KCND2: variants seen among roughly 807,000 people sequenced by gnomAD.
KCND2 encodes A-type voltage-gated potassium channel KCND2.
KCND2 carries 16 observed loss-of-function variants against 54.4 expected under a neutral mutation model. The ratio of observed to expected loss-of-function variants is 0.29; its 90% CI spans 0.20 to 0.45. The LOEUF (loss-of-function observed/expected upper bound fraction) is 0.45, where lower values mean the gene tolerates loss of function less well. Among genes scored for constraint, KCND2 ranks in the 20% least tolerant of loss-of-function variants. The pLI, the probability that KCND2 is intolerant of heterozygous loss-of-function variation, is 1.00. For missense variants in KCND2, 486 were observed against 824.2 expected (o/e 0.59, Z 5.02); for synonymous variants, 317 against 310.7 (o/e 1.02, Z -0.21).
chr7:120,309,466 TATATATATAC>T (rs1361591112), intron 1 of KCND2, among the ~76,000 whole-genome samples: 5 of 119,936 alleles, frequency 4.2e-5, no homozygotes, highest in Non-Finnish European at 8.8e-5. Context: ...TATATATATA[TATATATATAC>T]ACACACACAC....
At chr7:120,489,207 A>G (rs1053560779) in intron 1 of KCND2, among the ~76,000 whole-genome samples, 5 of 152,092 alleles carry the variant, frequency 3.3e-5, no homozygotes, top group African/African-American at 1.2e-4. Context: ...TACATAAAAA[A>G]AGCCTTGTAT....
rs536058636 is a variant in KCND2, at chr7:120,719,064, C to T, written c.1116-13839C>T. On this transcript the variant is annotated intron_variant, in intron 1 of 5. Transcript: ENST00000331113. ...TCCAACTCCCTATAGAAACTAGATA[C>T]GTTTTTGAGGAAGGAAAGAAGGGAG... 8.6e-5 allele frequency among the ~76,000 whole-genome samples: 13 copies of T among 151,882 alleles called. No individual in the cohort carries two copies. The South Asian group carries it at 2.5e-3, about 29-fold the overall frequency.
At chr7:120,288,704 T>G (rs1325456165) in intron 1 of KCND2, among the ~76,000 whole-genome samples, 1 of 152,134 alleles carries the variant, frequency 6.6e-6, no homozygotes, top group Non-Finnish European at 1.5e-5. Flanking sequence ...ATTCATTTCC[T>G]GTATTGGAGG....
intron 1 of KCND2, among the ~76,000 whole-genome samples, chr7:120,501,416 C>T (rs1478114386): frequency 1.3e-5 from 2 of 152,020 alleles, no homozygotes; most frequent in African/African-American, 4.8e-5. Flanking sequence ...GATTGAGGTT[C>T]CTGAGCAATG....
chr7:120,517,265 A>G (rs967600469), intron 1 of KCND2, among the ~76,000 whole-genome samples: 1 of 152,090 alleles, frequency 6.6e-6, no homozygotes, highest in Non-Finnish European at 1.5e-5. Context: ...TGAGAGTCAG[A>G]CTTTGTTAAT....
chr7:120,327,652 C>T (rs1254795443), intron 1 of KCND2, among the ~76,000 whole-genome samples: 1 of 151,996 alleles, frequency 6.6e-6, no homozygotes, highest in African/African-American at 2.4e-5. Flanking sequence ...ATTTATTCAA[C>T]TCTGTTTCAT....
At chr7:120,581,656 G>A (rs1050190789) in intron 1 of KCND2, among the ~76,000 whole-genome samples, 1 of 152,128 alleles carries the variant, frequency 6.6e-6, no homozygotes, top group Non-Finnish European at 1.5e-5. Context: ...TTCAAATAAA[G>A]ATTAGGGAAG....
At chr7:120,438,905 A>G (rs1429318277) in intron 1 of KCND2, among the ~76,000 whole-genome samples, 1 of 152,130 alleles carries the variant, frequency 6.6e-6, no homozygotes, top group Non-Finnish European at 1.5e-5. Flanking sequence ...TTCCCATAAC[A>G]TTCATGAATT....
intron 1 of KCND2, among the ~76,000 whole-genome samples, chr7:120,469,701 T>C (rs1434569552): frequency 6.6e-6 from 1 of 151,938 alleles, no homozygotes; most frequent in Non-Finnish European, 1.5e-5. Flanking sequence ...TGAACTGGGG[T>C]GAAATAGATC....
At chr7:120,550,861 C>G (rs755252106) in intron 1 of KCND2, among the ~76,000 whole-genome samples, 1 of 152,090 alleles carries the variant, frequency 6.6e-6, no homozygotes. Flanking sequence ...AAAAGCAAGC[C>G]GGAAATAGCA....
intron 1 of KCND2, among the ~76,000 whole-genome samples, chr7:120,562,674 C>T (rs1388393606): frequency 6.6e-6 from 1 of 152,070 alleles, no homozygotes; most frequent in Non-Finnish European, 1.5e-5. Flanking sequence ...ACAAAAAAGT[C>T]TCTTAAGGGG....
At chr7:120,389,385 A>C (rs536342586) in intron 1 of KCND2, among the ~76,000 whole-genome samples, 1 of 152,022 alleles carries the variant, frequency 6.6e-6, no homozygotes, top group Admixed American at 6.6e-5. Flanking sequence ...AAAAGTCCCT[A>C]AAATCCACTC....
chr7:120,667,285 C>G (rs1231938342), intron 1 of KCND2, among the ~76,000 whole-genome samples: 1 of 152,018 alleles, frequency 6.6e-6, no homozygotes, highest in Non-Finnish European at 1.5e-5. Context: ...ATTTAAGATT[C>G]TAATAAAGAC....
rs139189247 is a variant in KCND2 at position 120,298,367 on chromosome 7, T to C, written c.1115+22620T>C. Among the ~76,000 whole-genome samples, 70 of 152,326 alleles carry C rather than the reference T, an allele frequency of 4.6e-4. 1 individual carries two copies. The highest frequency in any genetic ancestry group is 1.6e-3 in the African/African-American group (67 of 41,586). ...ATGGTATTGAAAACTATAGTAGATTTTCACATTGAGAAGAACCAGAAATGT... is the reference window on the plus strand; with the variant it reads ...ATGGTATTGAAAACTATAGTAGATTCTCACATTGAGAAGAACCAGAAATGT... On this transcript the variant is annotated intron_variant, in intron 1 of 5. Coordinates refer to ENST00000331113, the MANE Select transcript of KCND2 (RefSeq NM_012281.3).
At chr7:120,593,493 C>A (rs183742495) in intron 1 of KCND2, among the ~76,000 whole-genome samples, 1 of 152,006 alleles carries the variant, frequency 6.6e-6, no homozygotes, top group Non-Finnish European at 1.5e-5. Flanking sequence ...TTATTAAGAC[C>A]AAGCCAAGCA....
intron 1 of KCND2, among the ~76,000 whole-genome samples, chr7:120,291,538 A>G (rs1372843478): frequency 6.6e-6 from 1 of 151,970 alleles, no homozygotes; most frequent in African/African-American, 2.4e-5. Context: ...ACGGTCATAT[A>G]CAAAGCATAG....
chr7:120,417,058 C>A (rs1201860438), intron 1 of KCND2, among the ~76,000 whole-genome samples: 2 of 152,136 alleles, frequency 1.3e-5, no homozygotes, highest in African/African-American at 4.8e-5. Flanking sequence ...GTTGGCCAGG[C>A]TGGTCTCAAA....
intron 1 of KCND2, among the ~76,000 whole-genome samples, chr7:120,687,226 C>T (rs1792213321): frequency 6.6e-6 from 1 of 152,120 alleles, no homozygotes; most frequent in African/African-American, 2.4e-5. Flanking sequence ...CTACCCTCTG[C>T]TTCTATAAGT....
At chr7:120,512,791 T>C (rs1459597706) in intron 1 of KCND2, among the ~76,000 whole-genome samples, 3 of 150,314 alleles carry the variant, frequency 2.0e-5, no homozygotes, top group African/African-American at 7.4e-5. Context: ...GCCTTTGAGG[T>C]TTCTTTTTTC....
Sources: allele counts gnomAD v4.1 joint callset (sites outside exome capture counted in the v4.1 genomes callset), GRCh38; gene constraint gnomAD v4.1.1; transcripts MANE v1.5; gene names NCBI Gene and HGNC (gene_info 2026-07-23, HGNC 2026-07-21).